The following ZRANB3 variants were observed in gnomAD, a reference collection of about 807,000 sequenced individuals.
ZRANB3 encodes DNA annealing helicase and endonuclease ZRANB3.
Under a neutral mutation model 133.8 loss-of-function variants are expected in ZRANB3, and 125 were observed. The ratio of observed to expected loss-of-function variants is 0.93; its 90% confidence interval spans 0.81 to 1.08. The LOEUF (loss-of-function observed/expected upper bound fraction) is 1.08, where lower values mean the gene tolerates loss of function less well. ZRANB3 is among the 50% of genes least tolerant of loss of function. The pLI is 0.00. For missense variants in ZRANB3, 1,229 were observed against 1,275.5 expected (o/e 0.96, Z 0.56); for synonymous variants, 387 against 432.7 (o/e 0.89, Z 1.31).
chr2:135,385,354 A>G (rs1348254650), intron 3 of ZRANB3, among the ~76,000 whole-genome samples: 3 of 152,242 alleles, frequency 2.0e-5, no homozygotes, highest in South Asian at 2.1e-4. Context: ...ATACAAACAA[A>G]TCGAAGAACA....
At chr2:135,241,451 T>A (rs573442737) in intron 12 of ZRANB3, among the ~76,000 whole-genome samples, 6 of 152,206 alleles carry the variant, frequency 3.9e-5, no homozygotes, top group South Asian at 2.1e-4. Flanking sequence ...AGAGTTTTTT[T>A]AAAATTATCT....
At chr2:135,495,979 G>A (rs1395462447) in intron 2 of ZRANB3, among the ~76,000 whole-genome samples, 1 of 152,154 alleles carries the variant, frequency 6.6e-6, no homozygotes, top group African/African-American at 2.4e-5. Flanking sequence ...ACCTAAAAAT[G>A]AACTTGAGGT....
intron 4 of ZRANB3, among the ~76,000 whole-genome samples, chr2:135,351,871 G>A (rs1212777422): frequency 6.6e-5 from 10 of 152,046 alleles, no homozygotes; most frequent in Admixed American, 6.5e-4. Context: ...TTATACTCTG[G>A]AGTTGTACTC....
At chr2:135,528,521 G>C (rs1020473360) in intron 1 of ZRANB3, among the ~76,000 whole-genome samples, 1 of 152,064 alleles carries the variant, frequency 6.6e-6, no homozygotes, top group African/African-American at 2.4e-5. Flanking sequence ...CTTACAGTTT[G>C]TCATAAGGAA....
At chr2:135,390,543 A>G (rs1291658942) in intron 3 of ZRANB3, among the ~76,000 whole-genome samples, 1 of 152,144 alleles carries the variant, frequency 6.6e-6, no homozygotes, top group African/African-American at 2.4e-5. Context: ...TCATTCATGC[A>G]TCCTAGGTAA....
At chr2:135,427,581 G>A (rs1689148284) in intron 2 of ZRANB3, among the ~76,000 whole-genome samples, 1 of 152,194 alleles carries the variant, frequency 6.6e-6, no homozygotes, top group South Asian at 2.1e-4. Context: ...AACGTTCCAT[G>A]CTCATGAATA....
chr2:135,333,761 T>A (rs78294702), intron 6 of ZRANB3, among the ~76,000 whole-genome samples: 57 of 152,292 alleles, frequency 3.7e-4, no homozygotes, highest in Middle Eastern at 6.8e-3. Flanking sequence ...TTAGAATGTA[T>A]TGAAAGTCAC....
rs200345346 is a variant in ZRANB3 at position 135,505,586 on chromosome 2, A to AG, written c.-7-1091_-7-1090insC. Among the ~76,000 whole-genome samples the AG allele has an allele frequency of 7.5e-4, 114 of 152,186 alleles. 3 individuals carry two copies. The East Asian group carries it at 0.02, about 27-fold the overall frequency. On this transcript the variant is annotated intron_variant, in intron 1 of 20. Transcript: ENST00000264159. ...GAGACTCTGTCTCAAGGAAAAAAAAAAAAAGTTTGCTTTTTTCCTCAATTA... is the reference window on the plus strand; with the variant it reads ...GAGACTCTGTCTCAAGGAAAAAAAAAGAAAAGTTTGCTTTTTTCCTCAATTA...
chr2:135,385,531 C>G (rs946310792), intron 3 of ZRANB3, among the ~76,000 whole-genome samples: 1 of 152,136 alleles, frequency 6.6e-6, no homozygotes, highest in Non-Finnish European at 1.5e-5. Flanking sequence ...ATTGCCAAGA[C>G]AATCCTACAC....
intron 8 of ZRANB3, among the ~76,000 whole-genome samples, chr2:135,309,304 G>A (rs1019664962): frequency 2.6e-5 from 4 of 152,072 alleles, no homozygotes; most frequent in African/African-American, 9.7e-5. Flanking sequence ...ATTTAATGGT[G>A]AAAGACTAAA....
intron 2 of ZRANB3, among the ~76,000 whole-genome samples, chr2:135,437,493 TG>T (rs1273181496): frequency 6.6e-6 from 1 of 152,160 alleles, no homozygotes; most frequent in Non-Finnish European, 1.5e-5. Context: ...ATAAACGTCC[TG>T]GATTTGGGCA....
chr2:135,241,192 T>C (rs946831088), intron 12 of ZRANB3, among the ~76,000 whole-genome samples: 2 of 152,256 alleles, frequency 1.3e-5, no homozygotes, highest in South Asian at 4.1e-4. Flanking sequence ...ATTAGTAGAA[T>C]GTTAGACTTA....
chr2:135,294,577 T>G (rs1681938059), intron 8 of ZRANB3, among the ~76,000 whole-genome samples: 1 of 152,114 alleles, frequency 6.6e-6, no homozygotes, highest in Non-Finnish European at 1.5e-5. Flanking sequence ...TTTGAAGGGT[T>G]TTTTGTGTCT....
intron 2 of ZRANB3, among the ~76,000 whole-genome samples, chr2:135,484,929 G>A (rs1017418880): frequency 3.3e-5 from 5 of 151,756 alleles, no homozygotes; most frequent in South Asian, 2.1e-4. Context: ...CCAGCTACTC[G>A]GGAGGTAGAG....
chr2:135,263,378 T>C (rs184907286), intron 12 of ZRANB3, among the ~76,000 whole-genome samples: 7 of 152,348 alleles, frequency 4.6e-5, no homozygotes, highest in Admixed American at 1.3e-4. Context: ...TCCATTTTTT[T>C]GCATTCTAAA....
chr2:135,355,493 C>G (rs940546590), intron 3 of ZRANB3, among the ~76,000 whole-genome samples: 1 of 151,950 alleles, frequency 6.6e-6, no homozygotes, highest in Non-Finnish European at 1.5e-5. Context: ...TCTGGAGTAG[C>G]TGAGGTGGCA....
intron 12 of ZRANB3, among the ~76,000 whole-genome samples, chr2:135,237,314 G>A (rs1364513693): frequency 1.3e-5 from 2 of 150,722 alleles, no homozygotes; most frequent in Non-Finnish European, 3.0e-5. Context: ...AGGATGTGGA[G>A]AAATAGGAAC....
intron 2 of ZRANB3, among the ~76,000 whole-genome samples, chr2:135,458,459 T>C (rs1022803318): frequency 6.6e-6 from 1 of 151,916 alleles, no homozygotes; most frequent in South Asian, 2.1e-4. Context: ...ATCAGTTGAT[T>C]TTAGACATGC....
At chr2:135,365,180 T>C (rs1685870621) in intron 3 of ZRANB3, among the ~76,000 whole-genome samples, 2 of 152,090 alleles carry the variant, frequency 1.3e-5, no homozygotes, top group Non-Finnish European at 2.9e-5. Flanking sequence ...GGCAGGGGAA[T>C]TGCTTTAACC....
Sources: allele counts gnomAD v4.1 joint callset (sites outside exome capture counted in the v4.1 genomes callset), GRCh38; gene constraint gnomAD v4.1.1; transcripts MANE v1.5; gene names NCBI Gene and HGNC (gene_info 2026-07-23, HGNC 2026-07-21).